MYCBP2: variants seen among roughly 807,000 people sequenced by gnomAD.
MYCBP2 encodes MYC binding protein 2.
MYCBP2 carries 120 observed loss-of-function variants against 525.3 expected under a neutral mutation model. That is an observed-to-expected ratio of 0.23 (90% CI 0.20 to 0.27). MYCBP2 has a LOEUF of 0.27. MYCBP2 is among the 10% of genes least tolerant of loss of function. The pLI is 1.00. For missense variants in MYCBP2, 4,149 were observed against 5,657.1 expected (o/e 0.73, Z 8.55); for synonymous variants, 1,894 against 1,955.8 (o/e 0.97, Z 0.83).
chr13:77,293,966 G>C (rs955073648), intron 2 of MYCBP2, among the ~76,000 whole-genome samples: 1 of 151,336 alleles, frequency 6.6e-6, no homozygotes, highest in Non-Finnish European at 1.5e-5. Flanking sequence ...TTTGTAATTT[G>C]TTACAGATTA....
chr13:77,266,949 A>G (rs2074196176), intron 8 of MYCBP2, among the ~76,000 whole-genome samples: 1 of 152,024 alleles, frequency 6.6e-6, no homozygotes, highest in South Asian at 2.1e-4. Context: ...ATGTTTGATG[A>G]AATTATTAAG....
chr13:77,135,223 G>T (rs1291245190), intron 52 of MYCBP2, among the ~76,000 whole-genome samples: 1 of 152,128 alleles, frequency 6.6e-6, no homozygotes, highest in African/African-American at 2.4e-5. Context: ...CTTCTAATTT[G>T]ATTTCATATC....
rs945287206 is a variant in MYCBP2 at position 77,292,025 on chromosome 13, A to G, written c.379-3649T>C. 3.3e-5 allele frequency among the ~76,000 whole-genome samples: 5 copies of G among 152,318 alleles called. No individual in the cohort carries two copies. In the East Asian group the frequency reaches 9.6e-4, roughly 29 times the overall value. ...TCTGCATGTACGAACATCAAGCTTT[A>G]CAATGTGTACCTGAGTTTCACTTAC... is the stretch of plus-strand genomic sequence containing the variant. On this transcript the variant is annotated intron_variant, in intron 2 of 82. Transcript: ENST00000544440.
intron 55 of MYCBP2, among the ~76,000 whole-genome samples, chr13:77,107,290 T>G (rs991009795): frequency 6.6e-6 from 1 of 152,202 alleles, no homozygotes; most frequent in Non-Finnish European, 1.5e-5. Context: ...ATTTAAAACA[T>G]ATTTAGAAAC....
Position 77,217,963 on chromosome 13 carries a change from T to TC in MYCBP2, c.2940-7_2940-6insG, listed in dbSNP as rs751827022. 55 of 1,535,700 alleles carry TC rather than the reference T, an allele frequency of 3.6e-5. No homozygotes were observed. The East Asian group carries it at 1.0e-3, about 29-fold the overall frequency. ...GAACAAGAGTGGGACATCCCCTAGG[T>TC]TAAAAAAAAAAAAAGTAAGTCAATT... On this transcript the variant is annotated splice_region_variant and splice_polypyrimidine_tract_variant and intron_variant, in intron 20 of 82. Transcript: ENST00000544440.
intron 69 of MYCBP2, among the ~76,000 whole-genome samples, chr13:77,070,086 C>A (rs2040913392): frequency 6.6e-6 from 1 of 152,028 alleles, no homozygotes. Flanking sequence ...ATGGGAAATG[C>A]AAATCAAATC....
chr13:77,217,922 G>C lies in MYCBP2; in HGVS notation c.2975C>G (p.Pro992Arg). The change falls in exon 21 of 83, where the codon CCT (proline) becomes CGT (arginine). Residue 992 changes from proline to arginine, a missense_variant. By Grantham distance (103) the Pro-to-Arg change is moderately radical. Transcript: ENST00000544440. ...GCTGCCTGCAGTGACTTGTGTGCTA[G>C]GGCCTGGCAATGCTTGAACAAGAGT... ...CPTLVQALPG[P>R]STQVTAGSNH... 1 of 1,610,682 alleles carries C rather than the reference G, an allele frequency of 6.2e-7. No homozygotes were observed. The highest frequency in any genetic ancestry group is 8.5e-7 in the Non-Finnish European group (1 of 1,178,416).
rs1384208106 is a variant in MYCBP2, at chr13:77,294,113, T to TATACATATATATAC, written c.378+2485_378+2486insGTATATATATGTAT. 1.3e-4 allele frequency among the ~76,000 whole-genome samples: 7 copies of TATACATATATATAC among 52,888 alleles called. 1 individual carries two copies. Among genetic ancestry groups the TATACATATATATAC allele is most frequent in the African/African-American group, 3.5e-4 (7 of 19,932 alleles). 34.7% of individuals were successfully genotyped at this position (52,888 alleles called of 152,430 possible). A position where few individuals can be genotyped will look rare whatever the true frequency, so the allele number is the denominator to read the frequency against. ...AAAGTAGATATAATGGCTATATATA[T>TATACATATATATAC]ATATATATATATATATACATATATA... On this transcript the variant is annotated intron_variant, in intron 2 of 82. Coordinates refer to ENST00000544440, the MANE Select transcript of MYCBP2 (RefSeq NM_015057.5).
At chr13:77,127,883 T>A (rs2051971567) in intron 52 of MYCBP2, among the ~76,000 whole-genome samples, 1 of 151,906 alleles carries the variant, frequency 6.6e-6, no homozygotes, top group African/African-American at 2.4e-5. Flanking sequence ...TAATATTTTG[T>A]GAATCTCACT....
intron 42 of MYCBP2, 117 bp from the exon 43 acceptor site, chr13:77,164,658 G>T (rs767868033): frequency 1.8e-4 from 125 of 692,516 alleles, no homozygotes; most frequent in South Asian, 4.0e-4. Flanking sequence ...AGCACGTGAA[G>T]CTAATGGTTA....
rs990026456 is a variant in MYCBP2, at chr13:77,171,632, C to T, written c.5654G>A (p.Ser1885Asn). ...GQIPQILYYR[S>N]EFDGDLQSQL... is the part of the protein sequence containing the mutation. Reference sequence around the variant, plus strand: ...GGATTGTAAATCTCCATCAAATTCACTCCTGTAGCATGAGCAAACATGAGA... The same window carrying T: ...GGATTGTAAATCTCCATCAAATTCATTCCTGTAGCATGAGCAAACATGAGA... The change falls in exon 38 of 83, where the codon AGT becomes AAT. Residue 1885 changes from serine to asparagine, a missense_variant and splice_region_variant. Physicochemically the swap from Ser to Asn is conservative, Grantham distance 46. Coordinates refer to ENST00000544440, the MANE Select transcript of MYCBP2 (RefSeq NM_015057.5). 1.9e-6 allele frequency: 3 copies of T among 1,613,868 alleles called. No homozygotes were observed. The highest frequency in any genetic ancestry group is 8.5e-7 in the Non-Finnish European group (1 of 1,179,942).
chr13:77,059,610 A>G lies in MYCBP2; in HGVS notation c.13053T>C (p.Ser4351=). 1 of 1,613,682 alleles carries G rather than the reference A, an allele frequency of 6.2e-7. No individual in the cohort carries two copies. The highest frequency in any genetic ancestry group is 1.3e-5 in the African/African-American group (1 of 74,972). ...FREHTGKPTT[S]SSEACRFCGS... is the part of the protein sequence containing the mutation. Reference sequence around the variant, plus strand: ...CACAGAAGCGACATGCTTCTGAGCTACTCGTGGTGGGTTTGCCTAGGTTCA... The same window carrying G: ...CACAGAAGCGACATGCTTCTGAGCTGCTCGTGGTGGGTTTGCCTAGGTTCA... Residue 4351 remains serine (S), a synonymous_variant, in exon 77 of 83, where the codon AGT becomes AGC. Coordinates refer to ENST00000544440, the MANE Select transcript of MYCBP2 (RefSeq NM_015057.5).
chr13:77,165,407 G>C lies in MYCBP2; in HGVS notation c.6341-16C>G. The stretch of plus-strand genomic sequence containing the variant: ...GCCTCATTTCCTAATAAAAATGCCA[G>C]AATTGAGTTCAAACTCTAAAACAAT... On this transcript the variant is annotated splice_polypyrimidine_tract_variant and intron_variant, in intron 41 of 82. Transcript: ENST00000544440. The C allele has an allele frequency of 1.3e-6, 2 of 1,544,736 alleles. No individual in the cohort carries two copies. Among genetic ancestry groups the C allele is most frequent in the South Asian group, 2.4e-5 (2 of 83,920 alleles).
chr13:77,160,758 T>A (rs2057813758), intron 44 of MYCBP2, among the ~76,000 whole-genome samples: 1 of 152,168 alleles, frequency 6.6e-6, no homozygotes, highest in Admixed American at 6.5e-5. Context: ...TAAATTGGTG[T>A]TTTCCAAATG....
intron 77 of MYCBP2, 112 bp downstream of exon 77, chr13:77,059,411 A>T: frequency 2.5e-6 from 2 of 789,944 alleles, no homozygotes; most frequent in Admixed American, 3.7e-5. Context: ...CATAGGTAAT[A>T]CACTCATTTA....
At chr13:77,133,954 C>T (rs1266364569) in intron 52 of MYCBP2, among the ~76,000 whole-genome samples, 1 of 152,022 alleles carries the variant, frequency 6.6e-6, no homozygotes, top group Non-Finnish European at 1.5e-5. Flanking sequence ...ACTCTGTATC[C>T]CTCCCCTCTG....
chr13:77,100,204 G>T (rs1415403858), intron 55 of MYCBP2: 1 of 152,074 alleles, frequency 6.6e-6, no homozygotes, highest in Non-Finnish European at 1.5e-5. Context: ...AAGAAAAAAG[G>T]ATGTGAACAA....
chr13:77,245,966 GTTC>G (rs1239966505), intron 15 of MYCBP2, among the ~76,000 whole-genome samples: 1 of 151,642 alleles, frequency 6.6e-6, no homozygotes, highest in Admixed American at 6.6e-5. Flanking sequence ...CCAATTACCT[GTTC>G]TTTTTCTCCT....
At chr13:77,231,444 G>A (rs550825797) in intron 18 of MYCBP2, among the ~76,000 whole-genome samples, 39 of 151,984 alleles carry the variant, frequency 2.6e-4, no homozygotes, top group Non-Finnish European at 4.7e-4. Flanking sequence ...ATGAGGTTTC[G>A]CCATGTTAGC....
Sources: allele counts gnomAD v4.1 joint callset (sites outside exome capture counted in the v4.1 genomes callset), GRCh38; gene constraint gnomAD v4.1.1; transcripts MANE v1.5; gene names NCBI Gene and HGNC (gene_info 2026-07-23, HGNC 2026-07-21).